Variants in ARHGAP29 observed in about 807,000 individuals in gnomAD.
ARHGAP29 encodes Rho GTPase activating protein 29.
A neutral mutation model predicts 122.6 loss-of-function variants in ARHGAP29; 43 were observed. The observed-to-expected ratio is 0.35, with a 90% CI of 0.27 to 0.45. The LOEUF (loss-of-function observed/expected upper bound fraction) is 0.45. Ranked by LOEUF, ARHGAP29 falls within the 20% of genes least tolerant of loss-of-function variation. ARHGAP29 has a pLI of 1.00. For synonymous variants in ARHGAP29, 506 were observed against 497.1 expected (o/e 1.02, Z -0.24); for missense variants, 1,303 against 1,477.2 (o/e 0.88, Z 1.93).
At chr1:94,288,074 G>A in the ARHGAP29 span, among the ~76,000 whole-genome samples, 4 of 151,516 alleles carry the variant, frequency 2.6e-5, no homozygotes, top group South Asian at 2.1e-4. Context: ...TGATCCACAC[G>A]GTCTTCCACA....
chr1:94,236,883 A>T (rs1359766847), intron 1 of ARHGAP29, among the ~76,000 whole-genome samples: 3 of 152,086 alleles, frequency 2.0e-5, no homozygotes, highest in African/African-American at 7.2e-5. Context: ...TGGGAGCGGG[A>T]ATAGAATCCA....
intron 1 of ARHGAP29, among the ~76,000 whole-genome samples, chr1:94,256,931 G>A (rs1186846772): frequency 6.6e-6 from 1 of 152,068 alleles, no homozygotes; most frequent in Non-Finnish European, 1.5e-5. Context: ...GTGGGATAGG[G>A]AAGTAACATT....
the ARHGAP29 span, among the ~76,000 whole-genome samples, chr1:94,313,912 G>A: frequency 1.3e-5 from 2 of 152,184 alleles, no homozygotes; most frequent in African/African-American, 4.8e-5. Flanking sequence ...ACTCATAGGT[G>A]GGACTTGAAC....
chr1:94,203,996 T>C lies in ARHGAP29; in HGVS notation c.698-2A>G, dbSNP rs1447953668. ...CCATATTTCTAGTGGACTCCAATTC[T>C]GAAAAGTTCAAAGAGGGTATCAGAA... On this transcript the variant is annotated splice_acceptor_variant, in intron 7 of 22. Coordinates refer to ENST00000260526, the MANE Select transcript of ARHGAP29 (RefSeq NM_004815.4). LOFTEE classifies it high-confidence loss of function. 1 of 1,613,344 alleles carries C rather than the reference T, an allele frequency of 6.2e-7. No individual in the cohort carries two copies. The highest frequency in any genetic ancestry group is 1.3e-5 in the African/African-American group (1 of 74,916).
chr1:94,191,213 T>C (rs1371367775), intron 12 of ARHGAP29: 1 of 152,162 alleles, frequency 6.6e-6, no homozygotes, highest in African/African-American at 2.4e-5. Context: ...TGGTGGAGCA[T>C]TTTACACAAA....
At chr1:94,236,685 T>A (rs569080033) in intron 1 of ARHGAP29, among the ~76,000 whole-genome samples, 111 of 151,052 alleles carry the variant, frequency 7.3e-4, no homozygotes, top group East Asian at 4.1e-3. Context: ...CCCAAAAAAT[T>A]TTTTTTTTTA....
At chr1:94,217,361 T>C (rs1652009944) in intron 3 of ARHGAP29, among the ~76,000 whole-genome samples, 1 of 151,766 alleles carries the variant, frequency 6.6e-6, no homozygotes, top group African/African-American at 2.4e-5. Flanking sequence ...TGGTAAAATC[T>C]CATCTCTACT....
chr1:94,246,083 T>C (rs1050427894), intron 1 of ARHGAP29, among the ~76,000 whole-genome samples: 12 of 152,190 alleles, frequency 7.9e-5, no homozygotes, highest in Non-Finnish European at 5.9e-5. Context: ...ACTAAAACAT[T>C]TTCTACTCAG....
At chr1:94,196,256 CT>C (rs917635883) in intron 12 of ARHGAP29, among the ~76,000 whole-genome samples, 1,766 of 91,070 alleles carry the variant, frequency 0.019, 15 homozygotes, top group African/African-American at 0.075. Flanking sequence ...CCGTGTTTTT[CT>C]TTTTTTTTTT....
rs1390784049 is a variant in ARHGAP29 at position 94,201,765 on chromosome 1, T to G, written c.1236A>C (p.Ala412=). The G allele has an allele frequency of 6.2e-7, 1 of 1,614,038 alleles. No homozygotes were observed. The highest frequency in any genetic ancestry group is 8.5e-7 in the Non-Finnish European group (1 of 1,179,978). Residue 412 remains alanine, a synonymous_variant, in exon 12 of 23, where the codon GCA becomes GCC. Transcript: ENST00000260526. ...DLENTKREIL[A]QLRTLVFQCD... is the part of the protein sequence containing the mutation. ...ACTGGAAAACAAGTGTCCGGAGTTGTGCTAAAATTTCTCTTTTGGTATTTT... is the reference window on the plus strand; with the variant it reads ...ACTGGAAAACAAGTGTCCGGAGTTGGGCTAAAATTTCTCTTTTGGTATTTT...
chr1:94,240,252 G>A (rs1335462844), upstream of ARHGAP29, among the ~76,000 whole-genome samples: 4 of 152,122 alleles, frequency 2.6e-5, no homozygotes, highest in African/African-American at 4.8e-5. Context: ...CTATAAGTAA[G>A]GTTGTCTAAG....
At chr1:94,302,516 C>A in the ARHGAP29 span, 2 of 338,582 alleles carry the variant, frequency 5.9e-6, no homozygotes, top group Non-Finnish European at 1.2e-5. Flanking sequence ...TCCATAATAA[C>A]TCTGGCATCA....
chr1:94,207,822 CA>C (rs1467198251), intron 5 of ARHGAP29, among the ~76,000 whole-genome samples: 2 of 151,844 alleles, frequency 1.3e-5, no homozygotes, highest in African/African-American at 4.8e-5. Context: ...GGCACGTTTC[CA>C]AATATTTGAT....
At chr1:94,295,205 C>T in the ARHGAP29 span, among the ~76,000 whole-genome samples, 1 of 152,126 alleles carries the variant, frequency 6.6e-6, no homozygotes, top group Non-Finnish European at 1.5e-5. Flanking sequence ...TCATCAGCAT[C>T]AGTTATAGGT....
At chr1:94,196,836 A>G (rs909434577) in intron 12 of ARHGAP29, among the ~76,000 whole-genome samples, 1 of 152,200 alleles carries the variant, frequency 6.6e-6, no homozygotes, top group Non-Finnish European at 1.5e-5. Flanking sequence ...TTGGAACTGA[A>G]TATAAATGAA....
In ARHGAP29 at chr1:94,264,344, A is replaced by T. The variant is rs17111277; in HGVS notation, c.-33+10668T>A. On this transcript the variant is annotated intron_variant and NMD_transcript_variant, in intron 1 of 25. Coordinates refer to the ARHGAP29 transcript ENST00000552844. Reference sequence around the variant, plus strand: ...CATTGTTCATGGTTGGTGCTCAACCATCCAAATCCTGCACCTTCTGTCCCA... The same window carrying T: ...CATTGTTCATGGTTGGTGCTCAACCTTCCAAATCCTGCACCTTCTGTCCCA... Among the ~76,000 whole-genome samples the T allele has an allele frequency of 4.6e-3, 698 of 152,252 alleles. 3 individuals are homozygous for T. Among genetic ancestry groups the T allele is most frequent in the African/African-American group, 0.016 (670 of 41,530 alleles).
At chr1:94,238,934 A>G (rs149832004), upstream of ARHGAP29, among the ~76,000 whole-genome samples, 23 of 152,224 alleles carry the variant, frequency 1.5e-4, no homozygotes, top group African/African-American at 5.1e-4. Flanking sequence ...AATACAACAA[A>G]TTTGGCTCCT....
At chr1:94,205,529 A>G (rs1651135131) in intron 6 of ARHGAP29, 106 bp downstream of exon 6, 1 of 1,078,044 alleles carries the variant, frequency 9.3e-7, no homozygotes, top group African/African-American at 1.6e-5. Context: ...ATTTTGCATT[A>G]AAAATGAATA....
the ARHGAP29 span, among the ~76,000 whole-genome samples, chr1:94,290,476 G>A: frequency 1.3e-5 from 2 of 152,096 alleles, no homozygotes; most frequent in Admixed American, 6.6e-5. Flanking sequence ...TTTTGAATTT[G>A]TTTGCTCTTG....
Sources: gnomAD v4.1 joint callset for allele counts (sites outside exome capture counted in the v4.1 genomes callset) on GRCh38, gnomAD v4.1.1 for gene constraint, MANE v1.5 for transcripts, NCBI Gene and HGNC (gene_info 2026-07-23, HGNC 2026-07-21) for gene names.